Variants in CCNB1IP1 observed in about 807,000 individuals in gnomAD.
CCNB1IP1 encodes E3 ubiquitin-protein ligase CCNB1IP1.
In CCNB1IP1, 14 loss-of-function variants were observed where a neutral mutation model predicts 25.6. The observed-to-expected ratio is 0.55, with a 90% CI of 0.36 to 0.85. The LOEUF (loss-of-function observed/expected upper bound fraction) is 0.85. Ranked by LOEUF, CCNB1IP1 falls within the 40% of genes least tolerant of loss-of-function variation. The pLI, the probability that CCNB1IP1 is intolerant of heterozygous loss-of-function variation, is 0.01. For missense variants in CCNB1IP1, 278 were observed against 342.4 expected (o/e 0.81, Z 1.48); for synonymous variants, 119 against 116.1 (o/e 1.02, Z -0.16).
intron 4 of CCNB1IP1, among the ~76,000 whole-genome samples, chr14:20,318,792 TCA>T (rs1217265073): frequency 6.6e-6 from 1 of 152,202 alleles, no homozygotes; most frequent in African/African-American, 2.4e-5. Flanking sequence ...AGATAGGGTC[TCA>T]CTCTGTCGCC....
At chr14:20,316,805 G>A (rs559207167) in intron 4 of CCNB1IP1, among the ~76,000 whole-genome samples, 18 of 152,236 alleles carry the variant, frequency 1.2e-4, no homozygotes, top group Admixed American at 8.5e-4. Context: ...TCTTGCTAAC[G>A]TCAAAAATAA....
intron 4 of CCNB1IP1, among the ~76,000 whole-genome samples, chr14:20,316,832 G>C (rs1458921908): frequency 6.6e-6 from 1 of 152,200 alleles, no homozygotes; most frequent in Non-Finnish European, 1.5e-5. Context: ...CGTGGGCCAG[G>C]CTCAGTGGCT....
intron 6 of CCNB1IP1, 117 bp downstream of exon 6, chr14:20,313,351 C>T: frequency 1.3e-6 from 1 of 749,450 alleles, no homozygotes; most frequent in Non-Finnish European, 2.1e-6. Context: ...TCAGAGCCTA[C>T]CACAACTCAA....
intron 4 of CCNB1IP1, among the ~76,000 whole-genome samples, chr14:20,323,623 C>T (rs762986167): frequency 1.3e-5 from 2 of 151,418 alleles, no homozygotes; most frequent in Non-Finnish European, 2.9e-5. Flanking sequence ...AGATAGGAAT[C>T]ATTACATCTA....
intron 3 of CCNB1IP1, among the ~76,000 whole-genome samples, chr14:20,326,246 G>C (rs568594775): frequency 8.5e-5 from 13 of 152,270 alleles, no homozygotes; most frequent in African/African-American, 3.1e-4. Flanking sequence ...TGAACTTTTA[G>C]ATTAATGATT....
At chr14:20,332,086 G>A (rs1883270160) in intron 1 of CCNB1IP1, among the ~76,000 whole-genome samples, 4 of 115,138 alleles carry the variant, frequency 3.5e-5, no homozygotes, top group Admixed American at 3.0e-4. Flanking sequence ...CCAGGCTGGA[G>A]TGCAATGGCG....
rs1555312596 is a variant in CCNB1IP1 at position 20,311,739 on chromosome 14, C to T, written c.645G>A (p.Lys215=). 3.1e-6 allele frequency: 5 copies of T among 1,613,724 alleles called. No individual in the cohort carries two copies. In the Admixed American group the frequency reaches 8.3e-5, roughly 27 times the overall value. Residue 215 remains lysine, a synonymous_variant, in exon 7 of 7, where the codon AAG becomes AAA. Coordinates refer to ENST00000358932, the MANE Select transcript of CCNB1IP1 (RefSeq NM_021178.5). Reference sequence around the variant, plus strand: ...GAACAGGTGTATTATCCAAAGGAAACTTGGAGTTGTTACCTAGGGCAGAAA... The same window carrying T: ...GAACAGGTGTATTATCCAAAGGAAATTTGGAGTTGTTACCTAGGGCAGAAA... ...VLGFPLGNNS[K]FPLDNTPVRN...
intron 4 of CCNB1IP1, among the ~76,000 whole-genome samples, chr14:20,323,917 CAAA>C (rs59156707): frequency 0.14 from 10,529 of 72,772 alleles, 209 homozygotes; most frequent in East Asian, 0.21. Flanking sequence ...GACTCCGTCT[CAAA>C]AAAAAAAAAA....
chr14:20,311,471 G>A lies in CCNB1IP1; in HGVS notation c.*79C>T, dbSNP rs1250654567. Reference sequence around the variant, plus strand: ...ATGATCTTAGATCACTAAAGCCTCAGACTCCTGGGCTCAAGTGATCCTCCC... The same window carrying A: ...ATGATCTTAGATCACTAAAGCCTCAAACTCCTGGGCTCAAGTGATCCTCCC... On this transcript the variant is annotated 3_prime_UTR_variant, in exon 7 of 7. Coordinates refer to ENST00000358932, the MANE Select transcript of CCNB1IP1 (RefSeq NM_021178.5). 6.5e-6 allele frequency: 8 copies of A among 1,235,130 alleles called. No individual in the cohort carries two copies. The highest frequency in any genetic ancestry group is 9.5e-6 in the Non-Finnish European group (8 of 841,892). The allele number at this position is 1,235,130 out of a possible 1,614,324, so 76.5% of individuals were successfully genotyped here. A position where few individuals can be genotyped will look rare whatever the true frequency, so the allele number is the denominator to read the frequency against.
At chr14:20,327,011 G>C (rs1052137688) in intron 2 of CCNB1IP1, among the ~76,000 whole-genome samples, 16 of 151,994 alleles carry the variant, frequency 1.1e-4, no homozygotes, top group African/African-American at 3.1e-4. Context: ...AGGAGTTCAA[G>C]GTTACAGTGA....
chr14:20,313,702 C>A lies in CCNB1IP1; in HGVS notation c.397G>T (p.Asp133Tyr), dbSNP rs376535863. The A allele has an allele frequency of 2.5e-6, 4 of 1,614,102 alleles. No homozygotes were observed. The highest frequency in any genetic ancestry group is 1.1e-5 in the South Asian group (1 of 91,072). ...KIYTQQIQSK[D>Y]VELTSMKGEV... ...CCTTTCATAGAGGTCAATTCTACAT[C>A]CTTGCTTTGTATTTGCTGAGTATAT... is the stretch of plus-strand genomic sequence containing the variant. The change falls in exon 6 of 7, where the codon GAT becomes TAT. Residue 133 changes from aspartate (D) to tyrosine (Y), a missense_variant. Coordinates refer to ENST00000358932, the MANE Select transcript of CCNB1IP1 (RefSeq NM_021178.5).
chr14:20,323,391 G>A (rs73583478), intron 4 of CCNB1IP1: 2,109 of 152,080 alleles, frequency 0.014, 58 homozygotes, highest in African/African-American at 0.049. Context: ...CCCAACCTGG[G>A]CAACATGGCA....
At chr14:20,320,201 T>A (rs1882846782) in intron 4 of CCNB1IP1, 2 of 409,902 alleles carry the variant, frequency 4.9e-6, no homozygotes, top group Non-Finnish European at 9.8e-6. Context: ...AATATCATAC[T>A]CTTGTTTTCA....
intron 4 of CCNB1IP1, among the ~76,000 whole-genome samples, chr14:20,319,343 C>CA (rs1192547713): frequency 2.0e-5 from 3 of 151,912 alleles, no homozygotes; most frequent in Non-Finnish European, 4.4e-5. Flanking sequence ...AAACCAGTTC[C>CA]AAAAAAAGGA....
rs896840234 is a variant in CCNB1IP1, at chr14:20,325,199, A to G, written c.-38+340T>C. On this transcript the variant is annotated intron_variant, in intron 4 of 6. Coordinates refer to ENST00000358932, the MANE Select transcript of CCNB1IP1 (RefSeq NM_021178.5). ...CACTTTGGGAGGCCGAGGCGGGCGG[A>G]TCACGAGGTCAGGAGATCGAGACCA... Among the ~76,000 whole-genome samples, 10 of 150,814 alleles carry G rather than the reference A, an allele frequency of 6.6e-5. No homozygotes were observed. In the South Asian group the frequency reaches 1.7e-3, roughly 25 times the overall value.
At chr14:20,316,686 T>C (rs1379680903) in intron 4 of CCNB1IP1, 126 bp from the exon 5 acceptor site, 2 of 579,668 alleles carry the variant, frequency 3.5e-6, no homozygotes, top group Admixed American at 6.0e-5. Context: ...CTTGTATTTA[T>C]TATAATTGAT....
chr14:20,317,137 G>A (rs1332234643), intron 4 of CCNB1IP1, among the ~76,000 whole-genome samples: 3 of 151,954 alleles, frequency 2.0e-5, no homozygotes, highest in African/African-American at 2.4e-5. Context: ...GGCTGGGCGC[G>A]GTGGCTCACC....
intron 4 of CCNB1IP1, chr14:20,320,192 A>G (rs368404317): frequency 1.8e-5 from 7 of 387,442 alleles, no homozygotes; most frequent in African/African-American, 1.5e-4. Flanking sequence ...GTCTACTCCA[A>G]TATCATACTC....
At chr14:20,328,328 T>TAGGTTGCA (rs1883138184) in intron 2 of CCNB1IP1, among the ~76,000 whole-genome samples, 1 of 152,192 alleles carries the variant, frequency 6.6e-6, no homozygotes, top group Admixed American at 6.5e-5. Flanking sequence ...TGTAATGCAG[T>TAGGTTGCA]GACATGCTAG....
Sources: gnomAD v4.1 joint callset for allele counts (sites outside exome capture counted in the v4.1 genomes callset) on GRCh38, gnomAD v4.1.1 for gene constraint, MANE v1.5 for transcripts, NCBI Gene and HGNC (gene_info 2026-07-23, HGNC 2026-07-21) for gene names.